Variants in KIAA1328 observed in about 807,000 individuals in gnomAD.
The protein encoded by KIAA1328 is KIAA1328.
KIAA1328 carries 52 observed loss-of-function variants against 68.1 expected under a neutral mutation model. The observed-to-expected ratio is 0.76, with a 90% CI of 0.61 to 0.96. The LOEUF (loss-of-function observed/expected upper bound fraction) is 0.96, where lower values mean the gene tolerates loss of function less well. Among genes scored for constraint, KIAA1328 ranks in the 40% least tolerant of loss-of-function variants. The probability of loss-of-function intolerance (pLI) is 0.00; values close to 1 mark genes in which losing one functional copy is unlikely to be tolerated. For missense variants in KIAA1328, 641 were observed against 677.6 expected, an observed-to-expected ratio of 0.95 and a Z score of 0.60; for synonymous variants, 232 against 239.4, an observed-to-expected ratio of 0.97 and a Z score of 0.28.
At chr18:37,045,125 A>G (rs954012798) in intron 6 of KIAA1328, among the ~76,000 whole-genome samples, 1 of 152,116 alleles carries the variant, frequency 6.6e-6, no homozygotes, top group Non-Finnish European at 1.5e-5. Flanking sequence ...CCTGAGGGAT[A>G]TTTTTTTGAA....
At chr18:37,065,813 C>T (rs754404748) in intron 6 of KIAA1328, among the ~76,000 whole-genome samples, 9 of 152,144 alleles carry the variant, frequency 5.9e-5, no homozygotes, top group South Asian at 4.1e-4. Context: ...GTTTGGACAA[C>T]GTGGAATCTA....
At chr18:37,158,196 C>G (rs1315638674) in intron 7 of KIAA1328, among the ~76,000 whole-genome samples, 3 of 152,090 alleles carry the variant, frequency 2.0e-5, no homozygotes, top group East Asian at 3.9e-4. Context: ...CCATGCCTGG[C>G]TAATTTAAAA....
At chr18:37,149,522 A>G (rs1172571360) in intron 7 of KIAA1328, among the ~76,000 whole-genome samples, 2 of 152,210 alleles carry the variant, frequency 1.3e-5, no homozygotes, top group Non-Finnish European at 2.9e-5. Context: ...AATCCCCAAG[A>G]GCAATTACAA....
chr18:37,078,055 A>T (rs1194696217), intron 7 of KIAA1328, among the ~76,000 whole-genome samples: 1 of 152,234 alleles, frequency 6.6e-6, no homozygotes, highest in Non-Finnish European at 1.5e-5. Context: ...AGCTGGAGGC[A>T]TCATGCTACC....
At chr18:36,976,800 G>T (rs543014782) in intron 6 of KIAA1328, among the ~76,000 whole-genome samples, 60 of 152,262 alleles carry the variant, frequency 3.9e-4, no homozygotes, top group African/African-American at 1.4e-3. Context: ...TCTTAAGAAT[G>T]CTGAGCAGAA....
chr18:37,226,276 T>C (rs2060636502), downstream of KIAA1328, among the ~76,000 whole-genome samples: 1 of 147,458 alleles, frequency 6.8e-6, no homozygotes, highest in African/African-American at 2.7e-5. Flanking sequence ...AAAGCCCTTT[T>C]TAAATTTTTT....
At chr18:37,196,752 T>C (rs1182207886) in intron 9 of KIAA1328, among the ~76,000 whole-genome samples, 1 of 152,134 alleles carries the variant, frequency 6.6e-6, no homozygotes, top group Admixed American at 6.5e-5. Context: ...TTTTGTTGTG[T>C]CTTTGTCTGG....
chr18:37,043,909 A>G (rs1009359299), intron 6 of KIAA1328, among the ~76,000 whole-genome samples: 1 of 152,154 alleles, frequency 6.6e-6, no homozygotes, highest in Non-Finnish European at 1.5e-5. Context: ...TGCCTCATCC[A>G]GTCAGTTCTG....
At position 36,957,198 on chromosome 18, in the gene KIAA1328, A is replaced by C. The variant is rs1282159790; in HGVS notation, c.449-2110A>C. Among the ~76,000 whole-genome samples the C allele has an allele frequency of 1.3e-5, 2 of 152,210 alleles. 1 individual carries two copies. The highest frequency in any genetic ancestry group is 2.9e-5 in the Non-Finnish European group (2 of 68,026). ...CAATGATTAGGTTATGAAAATGTTAAGGAATACTGAAACCAGACACCATTT... is the reference window on the plus strand; with the variant it reads ...CAATGATTAGGTTATGAAAATGTTACGGAATACTGAAACCAGACACCATTT... On this transcript the variant is annotated intron_variant, in intron 5 of 9. Coordinates refer to ENST00000280020, the MANE Select transcript of KIAA1328 (RefSeq NM_020776.3).
At chr18:36,953,761 C>G (rs11081974) in intron 5 of KIAA1328, among the ~76,000 whole-genome samples, 111,122 of 151,726 alleles carry the variant, frequency 0.73, 43,836 homozygotes, top group South Asian at 0.89. Context: ...AATATTAATT[C>G]TAATTGAGTC....
At chr18:37,103,809 C>T (rs1392700888) in intron 7 of KIAA1328, among the ~76,000 whole-genome samples, 1 of 142,906 alleles carries the variant, frequency 7.0e-6, no homozygotes, top group Non-Finnish European at 1.5e-5. Context: ...CAAATACACA[C>T]ACACACACAC....
rs993110448 is a variant in KIAA1328 at position 36,945,689 on chromosome 18, C to A, written c.449-13619C>A. Among the ~76,000 whole-genome samples the A allele has an allele frequency of 6.6e-5, 10 of 152,092 alleles. No homozygotes were observed. The East Asian group carries it at 1.9e-3, about 29-fold the overall frequency. The stretch of plus-strand genomic sequence containing the variant: ...AGAATGCTGTTCCCCAAGGCCATAG[C>A]TAATGGTCTAGCAATGTTAAACTGA... On this transcript the variant is annotated intron_variant, in intron 5 of 9. Coordinates refer to ENST00000280020, the MANE Select transcript of KIAA1328 (RefSeq NM_020776.3).
In KIAA1328 at chr18:36,964,643, T is replaced by G. The variant is rs562802895; in HGVS notation, c.576+5208T>G. ...TCTCCTTTTCTTAAAGATAAATACA[T>G]TCTACATTTCTTTTGTAATTTATTC... On this transcript the variant is annotated intron_variant, in intron 6 of 9. Coordinates refer to ENST00000280020, the MANE Select transcript of KIAA1328 (RefSeq NM_020776.3). 2.4e-4 allele frequency among the ~76,000 whole-genome samples: 36 copies of G among 152,310 alleles called. No homozygotes were observed. The South Asian group carries it at 2.7e-3, about 11-fold the overall frequency.
intron 6 of KIAA1328, among the ~76,000 whole-genome samples, chr18:37,030,929 G>C (rs2054800789): frequency 2.6e-5 from 4 of 151,772 alleles, no homozygotes; most frequent in Admixed American, 2.6e-4. Context: ...GAGAACATGT[G>C]GTGTTTGGTT....
chr18:37,214,097 G>A (rs2154220491), intron 9 of KIAA1328, among the ~76,000 whole-genome samples: 1 of 152,278 alleles, frequency 6.6e-6, no homozygotes, highest in East Asian at 1.9e-4. Context: ...CATTCTGTAG[G>A]TTGCCTGTTC....
At chr18:37,096,140 A>G (rs895131645) in intron 7 of KIAA1328, among the ~76,000 whole-genome samples, 2 of 151,836 alleles carry the variant, frequency 1.3e-5, no homozygotes. Flanking sequence ...AGGTTTTTAC[A>G]TATGTACACA....
At chr18:36,923,743 T>A (rs1204341019) in intron 5 of KIAA1328, 1 of 152,226 alleles carries the variant, frequency 6.6e-6, no homozygotes, top group Admixed American at 6.5e-5. Context: ...AAATTTAAAT[T>A]AATTATAATT....
At chr18:37,096,713 T>C (rs555912695) in intron 7 of KIAA1328, among the ~76,000 whole-genome samples, 25 of 152,272 alleles carry the variant, frequency 1.6e-4, no homozygotes, top group South Asian at 4.1e-4. Flanking sequence ...GTTCCTATTT[T>C]TCCACATCCT....
At chr18:37,158,517 A>G (rs190750576) in intron 7 of KIAA1328, among the ~76,000 whole-genome samples, 98 of 152,292 alleles carry the variant, frequency 6.4e-4, no homozygotes, top group African/African-American at 2.2e-3. Flanking sequence ...TTGACAGGCC[A>G]TAGTCACAGA....
Sources: allele counts gnomAD v4.1 joint callset (sites outside exome capture counted in the v4.1 genomes callset), GRCh38; gene constraint gnomAD v4.1.1; transcripts MANE v1.5; gene names NCBI Gene and HGNC (gene_info 2026-07-23, HGNC 2026-07-21).